TG: variants seen among roughly 807,000 people sequenced by gnomAD.
TG encodes thyroid hormones.
Under a neutral mutation model 324.7 loss-of-function variants are expected in TG, and 270 were observed. The observed-to-expected ratio is 0.83, with a 90% CI of 0.75 to 0.92. TG has a LOEUF of 0.92. TG is among the 40% of genes least tolerant of loss of function. The pLI is 0.00. For synonymous variants in TG, 1,401 were observed against 1,327.0 expected, an observed-to-expected ratio of 1.06 and a Z score of -1.21; for missense variants, 3,591 against 3,456.4, an observed-to-expected ratio of 1.04 and a Z score of -0.98.
intron 32 of TG, among the ~76,000 whole-genome samples, chr8:132,970,231 T>C (rs555160545): frequency 1.3e-5 from 2 of 152,272 alleles, no homozygotes; most frequent in Non-Finnish European, 2.9e-5. Context: ...AAATTTATTT[T>C]ATGATTGATT....
Position 132,887,053 on chromosome 8 carries a change from A to G in TG, c.1681A>G (p.Asn561Asp), listed in dbSNP as rs886062703. ...SFGFEINLQE[N>D]QNALKFLASL... ...TGGCTTTGAAATTAACCTACAAGAG[A>G]ACCAAAATGCCCTCAAATTCCTTGC... The change falls in exon 9 of 48, where the codon AAC becomes GAC. Residue 561 changes from asparagine to aspartate, a missense_variant. Transcript: ENST00000220616. 1.2e-6 allele frequency: 2 copies of G among 1,614,162 alleles called. No individual in the cohort carries two copies. The highest frequency in any genetic ancestry group is 2.2e-5 in the East Asian group (1 of 44,876).
intron 34 of TG, among the ~76,000 whole-genome samples, chr8:132,978,540 G>C (rs577531520): frequency 6.6e-6 from 1 of 152,178 alleles, no homozygotes; most frequent in Admixed American, 6.5e-5. Flanking sequence ...ATTACACCGT[G>C]ATGTGGCTTG....
rs1256292616 is a variant in TG, at chr8:132,886,745, T to A, written c.1373T>A (p.Leu458His). Residue 458 changes from leucine to histidine, a missense_variant, in exon 9 of 48, where the codon CTT (leucine) becomes CAT (histidine). Coordinates refer to ENST00000220616, the MANE Select transcript of TG (RefSeq NM_003235.5). Reference sequence around the variant, plus strand: ...TCCCGAGGGCTGGCTCGTCTTGCCCTTCAGTTTACCACCAACCCAAAGAGA... The same window carrying A: ...TCCCGAGGGCTGGCTCGTCTTGCCCATCAGTTTACCACCAACCCAAAGAGA... ...FPSRGLARLA[L>H]QFTTNPKRLQ... is the part of the protein sequence containing the mutation. 6.2e-7 allele frequency: 1 copy of A among 1,614,108 alleles called. No individual in the cohort carries two copies. The highest frequency in any genetic ancestry group is 8.5e-7 in the Non-Finnish European group (1 of 1,180,052).
At chr8:132,944,775 A>G (rs574130941) in intron 26 of TG, among the ~76,000 whole-genome samples, 11 of 152,374 alleles carry the variant, frequency 7.2e-5, no homozygotes, top group African/African-American at 2.6e-4. Flanking sequence ...AAAACATGTA[A>G]TAAGTCTTTT....
At position 132,951,552 on chromosome 8, in the gene TG, G is replaced by C. The variant is rs550288935; in HGVS notation, c.5401+2609G>C. Among the ~76,000 whole-genome samples, 15 of 152,302 alleles carry C rather than the reference G, an allele frequency of 9.8e-5. No homozygotes were observed. The East Asian group carries it at 2.9e-3, about 29-fold the overall frequency. On this transcript the variant is annotated intron_variant, in intron 27 of 47. Transcript: ENST00000220616. ...CCCAAGAAATGAGGACTGTGCCCTT[G>C]TCTGGCCTCCCAGAGTAGCGGTTAC...
At chr8:133,040,455 C>G in intron 41 of TG, 1 of 294,254 alleles carries the variant, frequency 3.4e-6, no homozygotes, top group Non-Finnish European at 6.5e-6. Flanking sequence ...CTGAGCTTTC[C>G]TTTCTTCAAC....
chr8:133,052,432 G>T (rs1353868979), intron 41 of TG, among the ~76,000 whole-genome samples: 1 of 152,226 alleles, frequency 6.6e-6, no homozygotes, highest in East Asian at 1.9e-4. Context: ...TATGGAAAGG[G>T]ATCAGGGCTT....
In TG at chr8:132,923,389, G is replaced by A. The variant is rs1821378143; in HGVS notation, c.4580G>A (p.Gly1527Asp). The A allele has an allele frequency of 1.2e-6, 2 of 1,614,100 alleles. No individual in the cohort carries two copies. The highest frequency in any genetic ancestry group is 1.7e-6 in the Non-Finnish European group (2 of 1,180,024). ...GCAGGCCTGCAATGTGACCAGAATG[G>A]CCAGTATCGAGCCAGCCAGAAGGAC... ...NEAGLQCDQN[G>D]QYRASQKDRG... The change falls in exon 22 of 48, where the codon GGC becomes GAC. Residue 1527 changes from glycine (G) to aspartate (D), a missense_variant. Transcript: ENST00000220616.
intron 5 of TG, among the ~76,000 whole-genome samples, chr8:132,878,296 G>A (rs901585112): frequency 6.6e-6 from 1 of 152,106 alleles, no homozygotes; most frequent in Non-Finnish European, 1.5e-5. Flanking sequence ...TGAAGGACCA[G>A]TGGTTTCCAA....
intron 25 of TG, among the ~76,000 whole-genome samples, chr8:132,939,749 T>C (rs1346329848): frequency 6.6e-6 from 1 of 151,938 alleles, no homozygotes; most frequent in Non-Finnish European, 1.5e-5. Flanking sequence ...GGATCTCGGC[T>C]CACTGCAACC....
chr8:132,921,497 T>C (rs1399647024), intron 21 of TG, among the ~76,000 whole-genome samples: 1 of 152,192 alleles, frequency 6.6e-6, no homozygotes, highest in Non-Finnish European at 1.5e-5. Context: ...CCGCATTGAA[T>C]TACCAGGCCT....
chr8:133,078,009 G>T (rs1011745038), intron 41 of TG, among the ~76,000 whole-genome samples: 1 of 152,178 alleles, frequency 6.6e-6, no homozygotes, highest in Non-Finnish European at 1.5e-5. Context: ...TTCTTTCTTG[G>T]GTTGTAAAGT....
Position 133,013,689 on chromosome 8 carries a change from T to C in TG, c.6487T>C (p.Cys2163Arg). ...RCMFYADTQS[C>R]THSLQGQNCR... is the part of the protein sequence containing the mutation. ...TATGTTCTATGCTGATACTCAAAGC[T>C]GCACACATAGTCTGCAGGGTCAGAA... is the stretch of plus-strand genomic sequence containing the variant. Residue 2163 changes from cysteine (C) to arginine (R), a missense_variant, in exon 37 of 48, where the codon TGC becomes CGC. Cys to Arg is a radical substitution (Grantham distance 180). Transcript: ENST00000220616. The C allele has an allele frequency of 6.2e-7, 1 of 1,614,198 alleles. No individual in the cohort carries two copies. The highest frequency in any genetic ancestry group is 8.5e-7 in the Non-Finnish European group (1 of 1,180,054).
intron 26 of TG, 26 bp downstream of exon 26, chr8:132,941,568 C>T: frequency 6.2e-7 from 1 of 1,613,866 alleles, no homozygotes; most frequent in Middle Eastern, 1.7e-4. Context: ...AGGGCCAGGG[C>T]CTAACAAGGG....
rs530800853 is a variant in TG at position 132,980,872 on chromosome 8, G to A, written c.6200-2478G>A. On this transcript the variant is annotated intron_variant, in intron 34 of 47. Transcript: ENST00000220616. Reference sequence around the variant, plus strand: ...CTAATCAGTTGTACCATATTTGCCAGCACAGCACTGCATGCGGTAAGAGTA... The same window carrying A: ...CTAATCAGTTGTACCATATTTGCCAACACAGCACTGCATGCGGTAAGAGTA... Among the ~76,000 whole-genome samples, 6 of 152,270 alleles carry A rather than the reference G, an allele frequency of 3.9e-5. No homozygotes were observed. The South Asian group carries it at 1.2e-3, about 32-fold the overall frequency.
intron 37 of TG, among the ~76,000 whole-genome samples, chr8:133,017,499 G>T (rs1402306673): frequency 6.6e-6 from 1 of 152,130 alleles, no homozygotes; most frequent in Non-Finnish European, 1.5e-5. Flanking sequence ...TGCTGGTAAA[G>T]GGTCCTGGGC....
chr8:132,995,062 C>T, intron 35 of TG: 1 of 960,226 alleles, frequency 1.0e-6, no homozygotes, highest in Non-Finnish European at 1.2e-6. Flanking sequence ...CGCTCACCCA[C>T]AGGCAAGCAG....
chr8:132,906,120 C>A (rs1818640917), intron 16 of TG, among the ~76,000 whole-genome samples: 1 of 152,164 alleles, frequency 6.6e-6, no homozygotes, highest in South Asian at 2.1e-4. Flanking sequence ...ATGCAGAAAC[C>A]TGGCAAAGAG....
intron 35 of TG, among the ~76,000 whole-genome samples, chr8:132,984,937 A>G (rs1012521531): frequency 1.0e-4 from 3 of 29,234 alleles, no homozygotes; most frequent in Non-Finnish European, 7.9e-5. Flanking sequence ...TCCATCTCAA[A>G]AAAAAAAAAA....
Sources: gnomAD v4.1 joint callset for allele counts (sites outside exome capture counted in the v4.1 genomes callset) on GRCh38, gnomAD v4.1.1 for gene constraint, MANE v1.5 for transcripts, NCBI Gene and HGNC (gene_info 2026-07-23, HGNC 2026-07-21) for gene names.